LGR6: variants seen among roughly 807,000 people sequenced by gnomAD.
The protein encoded by LGR6 is leucine rich repeat containing G protein-coupled receptor 6.
LGR6 carries 45 observed loss-of-function variants against 69.4 expected under a neutral mutation model. The observed-to-expected ratio is 0.65, with a 90% CI of 0.51 to 0.83. The LOEUF (loss-of-function observed/expected upper bound fraction) is 0.83, where lower values mean the gene tolerates loss of function less well. LGR6 is among the 40% of genes least tolerant of loss of function. LGR6 has a pLI of 0.00. For missense variants in LGR6, 1,108 were observed against 1,246.7 expected (o/e 0.89, Z 1.68); for synonymous variants, 538 against 555.0 (o/e 0.97, Z 0.43).
chr1:202,229,358 C>A (rs1660822193), intron 3 of LGR6, among the ~76,000 whole-genome samples: 1 of 152,232 alleles, frequency 6.6e-6, no homozygotes, highest in South Asian at 2.1e-4. Context: ...CCTGTCTCCT[C>A]TCTGTGTCTC....
intron 1 of LGR6, among the ~76,000 whole-genome samples, chr1:202,211,664 AGTTT>A (rs1357378538): frequency 6.6e-6 from 1 of 152,192 alleles, no homozygotes; most frequent in African/African-American, 2.4e-5. Context: ...CCTGGCCCAG[AGTTT>A]GTTTTTTTAA....
intron 6 of LGR6, among the ~76,000 whole-genome samples, chr1:202,288,846 G>A (rs1176381791): frequency 6.6e-6 from 1 of 152,192 alleles, no homozygotes; most frequent in Non-Finnish European, 1.5e-5. Flanking sequence ...AAGTCTCTGG[G>A]AAAGATTATC....
intron 4 of LGR6, among the ~76,000 whole-genome samples, chr1:202,252,099 G>A (rs929997770): frequency 2.6e-5 from 4 of 151,942 alleles, no homozygotes; most frequent in African/African-American, 7.3e-5. Context: ...ATCAGAAACC[G>A]CCCACAGACC....
intron 4 of LGR6, among the ~76,000 whole-genome samples, chr1:202,267,771 C>G (rs548087249): frequency 6.6e-6 from 1 of 152,320 alleles, no homozygotes; most frequent in South Asian, 2.1e-4. Context: ...AAGAGCTTCT[C>G]TGGAAAGAGA....
chr1:202,261,536 A>G (rs555871474), intron 4 of LGR6, among the ~76,000 whole-genome samples: 190 of 152,294 alleles, frequency 1.2e-3, no homozygotes, highest in African/African-American at 4.5e-3. Context: ...TAGTGCCGCA[A>G]TAAACATACG....
rs184281956 is a variant in LGR6, at chr1:202,199,383, G to A, written c.212+5182G>A. Among the ~76,000 whole-genome samples the A allele has an allele frequency of 2.8e-4, 42 of 152,188 alleles. No individual in the cohort carries two copies. The East Asian group carries it at 6.0e-3, about 22-fold the overall frequency. On this transcript the variant is annotated intron_variant, in intron 1 of 17. Transcript: ENST00000367278. ...CATCAGAAGGCAGACCCGGGGGGTC[G>A]CCGGAGGTGGGTGAATGTGTGGGGG...
At chr1:202,270,229 GT>G (rs1664976584) in intron 4 of LGR6, among the ~76,000 whole-genome samples, 2 of 150,626 alleles carry the variant, frequency 1.3e-5, no homozygotes, top group Admixed American at 6.6e-5. Context: ...GTTTTGTTTT[GT>G]TTTTGTTTTT....
intron 7 of LGR6, among the ~76,000 whole-genome samples, chr1:202,298,201 G>A (rs1380497306): frequency 6.6e-6 from 1 of 152,228 alleles, no homozygotes; most frequent in African/African-American, 2.4e-5. Context: ...ATAACTTGCA[G>A]AGTATTAGCT....
At chr1:202,232,797 C>A (rs1661199375) in intron 3 of LGR6, among the ~76,000 whole-genome samples, 1 of 152,176 alleles carries the variant, frequency 6.6e-6, no homozygotes, top group South Asian at 2.1e-4. Context: ...AAAGCATTGG[C>A]CCGAGAGACA....
intron 1 of LGR6, among the ~76,000 whole-genome samples, chr1:202,220,540 T>G (rs1159497499): frequency 6.6e-6 from 1 of 152,156 alleles, no homozygotes; most frequent in Non-Finnish European, 1.5e-5. Context: ...TCTTGTGAGG[T>G]AGCTAGTGTC....
intron 14 of LGR6, among the ~76,000 whole-genome samples, chr1:202,308,467 C>A (rs1307908048): frequency 1.3e-5 from 2 of 152,176 alleles, no homozygotes; most frequent in Non-Finnish European, 2.9e-5. Flanking sequence ...TGGTTTGGAA[C>A]CCTGGGCTTC....
At chr1:202,203,027 C>T (rs111443385) in intron 1 of LGR6, among the ~76,000 whole-genome samples, 408 of 152,090 alleles carry the variant, frequency 2.7e-3, no homozygotes, top group Middle Eastern at 0.014. Context: ...AGGAGCAGTG[C>T]GGAGTCACTC....
At chr1:202,293,204 G>A (rs1220226680) in intron 6 of LGR6, among the ~76,000 whole-genome samples, 2 of 152,162 alleles carry the variant, frequency 1.3e-5, no homozygotes. Flanking sequence ...CAGCCCCCTA[G>A]AATTACCTCC....
At chr1:202,309,732 T>A (rs1230492968) in intron 15 of LGR6, among the ~76,000 whole-genome samples, 2 of 152,126 alleles carry the variant, frequency 1.3e-5, no homozygotes, top group Non-Finnish European at 2.9e-5. Context: ...CCAGCTCCAA[T>A]ATGCCCAGAG....
chr1:202,254,055 T>G (rs1440095347), intron 4 of LGR6, among the ~76,000 whole-genome samples: 1 of 151,944 alleles, frequency 6.6e-6, no homozygotes, highest in African/African-American at 2.4e-5. Context: ...TCCGCCCGCC[T>G]CGGCCTCCCA....
rs574843701 is a variant in LGR6 at position 202,236,607 on chromosome 1, C to A, written c.428+614C>A. The stretch of plus-strand genomic sequence containing the variant: ...GGTGCTCCAGGGTGATGTAACCCAG[C>A]CCAGTGGGAGCCGCTGGGCTTCATC... On this transcript the variant is annotated intron_variant, in intron 4 of 17. Transcript: ENST00000367278. Among the ~76,000 whole-genome samples, 118 of 152,312 alleles carry A rather than the reference C, an allele frequency of 7.7e-4. 2 individuals are homozygous for A. Among genetic ancestry groups the A allele is most frequent in the Admixed American group, 3.1e-3 (47 of 15,306 alleles).
At chr1:202,274,168 C>T (rs1002939580) in intron 4 of LGR6, among the ~76,000 whole-genome samples, 2 of 152,194 alleles carry the variant, frequency 1.3e-5, no homozygotes, top group Non-Finnish European at 2.9e-5. Flanking sequence ...CTGTCCAGGT[C>T]TCCTCTAGCT....
Position 202,303,481 on chromosome 1 carries a change from C to A in LGR6, c.998+134C>A, listed in dbSNP as rs887284676. ...TCCAGCCTGTCTCTACTACTGGCTC[C>A]ATCCCCTTCCTCCTGATGTGGCACT... On this transcript the variant is annotated intron_variant, in intron 10 of 17. Transcript: ENST00000367278. 1.6e-5 allele frequency: 11 copies of A among 691,366 alleles called. No homozygotes were observed. In the African/African-American group the frequency reaches 1.9e-4, roughly 12 times the overall value. The allele number at this position is 691,366 out of a possible 1,614,324, so 42.8% of individuals were successfully genotyped here.
chr1:202,243,085 C>T (rs1052468556), intron 4 of LGR6, among the ~76,000 whole-genome samples: 2 of 152,264 alleles, frequency 1.3e-5, no homozygotes, highest in Admixed American at 6.5e-5. Flanking sequence ...AGAGTCCACG[C>T]ATTTAACCAG....
Sources: gnomAD v4.1 joint callset for allele counts (sites outside exome capture counted in the v4.1 genomes callset) on GRCh38, gnomAD v4.1.1 for gene constraint, MANE v1.5 for transcripts, NCBI Gene and HGNC (gene_info 2026-07-23, HGNC 2026-07-21) for gene names.